Variants in ATP7B observed in about 807,000 individuals in gnomAD.
ATP7B encodes the protein copper-transporting ATPase 2.
A neutral mutation model predicts 118.9 loss-of-function variants in ATP7B; 113 were observed. The observed-to-expected ratio is 0.95, with a 90% CI of 0.82 to 1.11. The LOEUF (loss-of-function observed/expected upper bound fraction) is 1.11, where lower values mean the gene tolerates loss of function less well. Ranked by LOEUF, ATP7B falls within the 50% of genes most tolerant of loss-of-function variation. The pLI, the probability that ATP7B is intolerant of heterozygous loss-of-function variation, is 0.00. For synonymous variants in ATP7B, 777 were observed against 727.4 expected (o/e 1.07, Z -1.10); for missense variants, 1,867 against 1,871.4 (o/e 1.00, Z 0.04).
chr13:51,942,308 C>G (rs1334097993), intron 15 of ATP7B, 78 bp downstream of exon 15: 1 of 1,600,706 alleles, frequency 6.2e-7, no homozygotes, highest in Non-Finnish European at 8.5e-7. Flanking sequence ...CAGAGGCAAT[C>G]ACTGCTGGGC....
chr13:52,008,032 ATCC>A (rs2140680760), intron 1 of ATP7B, among the ~76,000 whole-genome samples: 1 of 151,826 alleles, frequency 6.6e-6, no homozygotes, highest in African/African-American at 2.4e-5. Flanking sequence ...TCTATTTGTG[ATCC>A]ACTGCATTGG....
chr13:52,011,421 A>G lies in ATP7B; in HGVS notation c.-84T>C, dbSNP rs2140773558. The G allele has an allele frequency of 6.3e-7, 1 of 1,585,342 alleles. No individual in the cohort carries two copies. The highest frequency in any genetic ancestry group is 2.2e-5 in the East Asian group (1 of 44,478). Reference sequence around the variant, plus strand: ...TCGGTGGAGGAGAGCGGGGTGTTAAAGTCCCGGGAGAGGAGGCGCAGAGTG... The same window carrying G: ...TCGGTGGAGGAGAGCGGGGTGTTAAGGTCCCGGGAGAGGAGGCGCAGAGTG... On this transcript the variant is annotated 5_prime_UTR_variant, in exon 1 of 21. Transcript: ENST00000242839.
intron 1 of ATP7B, 40 bp downstream of exon 1, chr13:52,011,247 G>A (rs761676583): frequency 6.2e-7 from 1 of 1,614,086 alleles, no homozygotes; most frequent in Non-Finnish European, 8.5e-7. Context: ...CTCCTGGTGG[G>A]AGTGAGCACG....
At chr13:51,990,858 G>C (rs1952873909) in intron 1 of ATP7B, among the ~76,000 whole-genome samples, 1 of 152,232 alleles carries the variant, frequency 6.6e-6, no homozygotes, top group Non-Finnish European at 1.5e-5. Context: ...GGGAGGCCGA[G>C]GCAGGTGGAT....
chr13:51,957,730 T>C, intron 8 of ATP7B, 123 bp from the exon 9 acceptor site: 1 of 894,766 alleles, frequency 1.1e-6, no homozygotes, highest in Non-Finnish European at 1.8e-6. Flanking sequence ...CACGGCACGA[T>C]AAAAGGCTCT....
At chr13:51,957,755 C>T in intron 8 of ATP7B, 148 bp from the exon 9 acceptor site, 1 of 725,434 alleles carries the variant, frequency 1.4e-6, no homozygotes, top group East Asian at 2.7e-5. Flanking sequence ...GTGGGCGTTA[C>T]TTGCTATCCA....
At chr13:51,998,929 C>T (rs566466576) in intron 1 of ATP7B, among the ~76,000 whole-genome samples, 22 of 152,304 alleles carry the variant, frequency 1.4e-4, no homozygotes, top group South Asian at 1.0e-3. Context: ...ATCCCCAGGC[C>T]ATCCCTCCCA....
At chr13:51,968,958 T>G (rs1951709081) in intron 3 of ATP7B, among the ~76,000 whole-genome samples, 1 of 151,002 alleles carries the variant, frequency 6.6e-6, no homozygotes, top group Non-Finnish European at 1.5e-5. Flanking sequence ...CCTCCAGGGT[T>G]CAAGTGATTC....
In ATP7B at chr13:51,968,920, G is replaced by A. The variant is rs117023597; in HGVS notation, c.1544-313C>T. 1.5e-3 allele frequency among the ~76,000 whole-genome samples: 219 copies of A among 146,704 alleles called. 7 individuals are homozygous for A. In the East Asian group the frequency reaches 0.033, roughly 22 times the overall value. On this transcript the variant is annotated intron_variant, in intron 3 of 20. Transcript: ENST00000242839. ...TCTGTTGCCCAGGCTGGGTACAGTA[G>A]CATGATCTCGGCTCACTGCAACCTC...
At chr13:52,011,453 C>T (rs965523214), upstream of ATP7B, 125 of 1,373,442 alleles carry the variant, frequency 9.1e-5, 1 homozygote, top group Non-Finnish European at 1.2e-4. Flanking sequence ...AGTGTGAGGG[C>T]ATCGGCGCGG....
rs28942074 is a variant in ATP7B at position 51,958,333 on chromosome 13, C to T, written c.2333G>A (p.Arg778Gln). The part of the protein sequence containing the change: ...PMLFVFIALG[R>Q]WLEHLAKSKT... ...TACCTTTGCCAAGTGTTCCAGCCAC[C>T]GGCCCAGGGCAATGAACACAAAGAG... The change falls in exon 8 of 21, where the codon CGG becomes CAG. Residue 778 changes from arginine to glutamine, a missense_variant. Arg to Gln is a conservative substitution (Grantham distance 43, BLOSUM62 1). Coordinates refer to ENST00000242839, the MANE Select transcript of ATP7B (RefSeq NM_000053.4). The T allele has an allele frequency of 1.4e-5, 22 of 1,614,062 alleles. No homozygotes were observed. The highest frequency in any genetic ancestry group is 6.7e-5 in the East Asian group (3 of 44,898).
In ATP7B at chr13:52,011,286, CT is replaced by C; in HGVS notation, c.51del (p.Ile18SerfsTer16). 6.2e-7 allele frequency: 1 copy of C among 1,614,236 alleles called. No homozygotes were observed. Among genetic ancestry groups the C allele is most frequent in the Non-Finnish European group, 8.5e-7 (1 of 1,180,014 alleles). On this transcript the variant is annotated frameshift_variant and splice_region_variant, in exon 1 of 21. Coordinates refer to ENST00000242839, the MANE Select transcript of ATP7B (RefSeq NM_000053.4). LOFTEE classifies it high-confidence loss of function. ...QITAREGASRKILSKLSLPTR... is the reference protein window; with the variant it reads ...QITAREGASRXILSKLSLPTR... ...CGCGGACGCGGGGGAACAAAACTCA[CT>C]TTCCGACTGGCCCCTTCTCTGGCTG...
intron 19 of ATP7B, among the ~76,000 whole-genome samples, chr13:51,936,330 C>A (rs1261004227): frequency 1.3e-5 from 2 of 152,004 alleles, no homozygotes; most frequent in African/African-American, 4.8e-5. Flanking sequence ...CACCACTAAC[C>A]ACTCAGACAC....
At chr13:52,010,995 T>C (rs1954000993) in intron 1 of ATP7B, among the ~76,000 whole-genome samples, 1 of 152,250 alleles carries the variant, frequency 6.6e-6, no homozygotes, top group Admixed American at 6.5e-5. Flanking sequence ...TTTTGAGCCA[T>C]TAGGGCTCTA....
At chr13:52,002,857 T>A (rs944051230) in intron 1 of ATP7B, among the ~76,000 whole-genome samples, 2 of 152,194 alleles carry the variant, frequency 1.3e-5, no homozygotes, top group Non-Finnish European at 2.9e-5. Flanking sequence ...CCTAAAAAAA[T>A]ACATATACTT....
At chr13:52,002,943 G>C (rs1358061924) in intron 1 of ATP7B, among the ~76,000 whole-genome samples, 1 of 152,202 alleles carries the variant, frequency 6.6e-6, no homozygotes, top group African/African-American at 2.4e-5. Flanking sequence ...CTTTCTGCTA[G>C]TGGAAGGCCT....
chr13:51,981,870 A>T (rs1952438362), intron 1 of ATP7B, among the ~76,000 whole-genome samples: 1 of 152,116 alleles, frequency 6.6e-6, no homozygotes, highest in African/African-American at 2.4e-5. Context: ...AATAAATGTG[A>T]TTTTCCCGTT....
chr13:51,968,787 G>A (rs567084768), intron 3 of ATP7B, among the ~76,000 whole-genome samples, 180 bp from the exon 4 acceptor site: 4 of 152,114 alleles, frequency 2.6e-5, no homozygotes, highest in South Asian at 4.2e-4. Context: ...CGACAATCAC[G>A]ATGTCTGGTC....
At position 51,957,561 on chromosome 13, in the gene ATP7B, G is replaced by A; in HGVS notation, c.2402C>T (p.Thr801Ile). The part of the protein sequence containing the change: ...ALAKLMSLQA[T>I]EATVVTLGED... ...ACCAAGGGTCACAACGGTGGCTTCT[G>A]TGGCTTGGAGAGACATGAGTTTAGC... Residue 801 changes from threonine (T) to isoleucine (I), a missense_variant, in exon 9 of 21, where the codon ACA becomes ATA. By Grantham distance (89) the Thr-to-Ile change is moderately conservative. Transcript: ENST00000242839. 2 of 1,614,214 alleles carry A rather than the reference G, an allele frequency of 1.2e-6. No individual in the cohort carries two copies. The highest frequency in any genetic ancestry group is 1.1e-5 in the South Asian group (1 of 91,090).
Sources: gnomAD v4.1 joint callset for allele counts (sites outside exome capture counted in the v4.1 genomes callset) on GRCh38, gnomAD v4.1.1 for gene constraint, MANE v1.5 for transcripts, NCBI Gene and HGNC (gene_info 2026-07-23, HGNC 2026-07-21) for gene names.